Variants in APBA1 observed in about 807,000 individuals in gnomAD.
The protein encoded by APBA1 is amyloid-beta A4 precursor protein-binding family A member 1.
Under a neutral mutation model 86.6 loss-of-function variants are expected in APBA1, and 55 were observed. The ratio of observed to expected loss-of-function variants is 0.64; its 90% confidence interval spans 0.51 to 0.80. The LOEUF (loss-of-function observed/expected upper bound fraction) is 0.80. APBA1 is among the 30% of genes least tolerant of loss of function. The probability of loss-of-function intolerance (pLI) is 0.00; values close to 1 mark genes in which losing one functional copy is unlikely to be tolerated. For synonymous variants in APBA1, 511 were observed against 493.9 expected, an observed-to-expected ratio of 1.03 and a Z score of -0.46; for missense variants, 1,090 against 1,183.0, an observed-to-expected ratio of 0.92 and a Z score of 1.15.
chr9:69,630,075 A>T (rs910383622), intron 1 of APBA1, among the ~76,000 whole-genome samples: 2 of 145,208 alleles, frequency 1.4e-5, no homozygotes, highest in African/African-American at 5.0e-5. Context: ...AAAAAAAAAA[A>T]GCAGGAAAAA....
chr9:69,658,465 C>T (rs749420390), intron 1 of APBA1, among the ~76,000 whole-genome samples: 9 of 151,002 alleles, frequency 6.0e-5, no homozygotes, highest in Non-Finnish European at 7.4e-5. Flanking sequence ...CAGGCTGCCA[C>T]GATCTTGGCT....
chr9:69,524,855 A>T (rs1420757700), intron 1 of APBA1, among the ~76,000 whole-genome samples: 1 of 152,218 alleles, frequency 6.6e-6, no homozygotes, highest in African/African-American at 2.4e-5. Flanking sequence ...AGCAAACTGA[A>T]TCCAACAGCA....
At chr9:69,606,887 G>A (rs545292034) in intron 1 of APBA1, among the ~76,000 whole-genome samples, 90 of 152,208 alleles carry the variant, frequency 5.9e-4, no homozygotes, top group African/African-American at 2.1e-3. Context: ...ATGGCAATAA[G>A]AGGGCAAGAA....
intron 1 of APBA1, among the ~76,000 whole-genome samples, chr9:69,662,963 C>T (rs1006996436): frequency 2.0e-5 from 3 of 152,234 alleles, no homozygotes; most frequent in Non-Finnish European, 2.9e-5. Flanking sequence ...GTGATTACTG[C>T]ATCATTTGTC....
At chr9:69,553,574 A>T (rs1336060923) in intron 1 of APBA1, among the ~76,000 whole-genome samples, 1 of 152,222 alleles carries the variant, frequency 6.6e-6, no homozygotes, top group African/African-American at 2.4e-5. Flanking sequence ...GTTGAGCAGT[A>T]TAGCATGGTA....
chr9:69,449,792 A>G lies in APBA1; in HGVS notation c.1973T>C (p.Phe658Ser). The G allele has an allele frequency of 1.2e-6, 2 of 1,608,844 alleles. No individual in the cohort carries two copies. Among genetic ancestry groups the G allele is most frequent in the Non-Finnish European group, 1.7e-6 (2 of 1,175,740 alleles). ...FSKSENCKDV[F>S]IEKQKGEILG... ...GATTTCTCCTTTCTGCTTCTCTATG[A>G]AAACCTGGAAGGAGAAAAACATTTA... Residue 658 changes from phenylalanine to serine, a missense_variant, in exon 10 of 13, where the codon TTC (phenylalanine) becomes TCC (serine). Physicochemically the swap from Phe to Ser is radical, Grantham distance 155 (BLOSUM62 -2). Around this residue, in one of 6 missense-constraint regions of APBA1, gnomAD observed 97 missense variants for 166.8 expected, o/e 0.58. Coordinates refer to ENST00000265381, the MANE Select transcript of APBA1 (RefSeq NM_001163.4).
At chr9:69,520,881 A>C (rs1836240565) in intron 1 of APBA1, among the ~76,000 whole-genome samples, 1 of 152,006 alleles carries the variant, frequency 6.6e-6, no homozygotes, top group African/African-American at 2.4e-5. Context: ...CTTGACTCTG[A>C]TTTATCAGCC....
intron 1 of APBA1, among the ~76,000 whole-genome samples, chr9:69,644,649 C>T (rs1564101185): frequency 6.6e-6 from 1 of 152,186 alleles, no homozygotes; most frequent in South Asian, 2.1e-4. Context: ...ACCCCAAGAG[C>T]TTAAGCTTCT....
At chr9:69,464,939 G>A (rs1757955) in intron 5 of APBA1, 79,482 of 152,002 alleles carry the variant, frequency 0.52, 22,077 homozygotes, top group African/African-American at 0.71. Context: ...AATGTTTGAA[G>A]CCTTGATGGA....
chr9:69,625,091 G>A (rs1822902444), intron 1 of APBA1, among the ~76,000 whole-genome samples: 1 of 152,040 alleles, frequency 6.6e-6, no homozygotes, highest in African/African-American at 2.4e-5. Context: ...CTGTCTTATA[G>A]GGCTCTGCAC....
At chr9:69,548,386 TC>T (rs1275528232) in intron 1 of APBA1, among the ~76,000 whole-genome samples, 1 of 152,222 alleles carries the variant, frequency 6.6e-6, no homozygotes, top group African/African-American at 2.4e-5. Context: ...CAGCTTCCCA[TC>T]TACAGAACCT....
chr9:69,516,423 C>G lies in APBA1; in HGVS notation c.788G>C (p.Ser263Thr). Residue 263 changes from serine (S) to threonine (T), a missense_variant, in exon 2 of 13, where the codon AGC (serine) becomes ACC (threonine). This residue lies in a region of APBA1 where 678 missense variants were observed against 647.1 expected (regional missense o/e 1.05). Transcript: ENST00000265381. The surrounding 1 kb of genome is among the most constrained non-coding windows in gnomAD (Gnocchi z 7.3). ...AEFAPYPRMD[S>T]YEQEEDIDQI... is the part of the protein sequence containing the mutation. Reference sequence around the variant, plus strand: ...GTCGATGTCCTCCTCCTGCTCGTAGCTGTCCATGCGCGGGTAGGGCGCGAA... The same window carrying G: ...GTCGATGTCCTCCTCCTGCTCGTAGGTGTCCATGCGCGGGTAGGGCGCGAA... 1 of 1,605,042 alleles carries G rather than the reference C, an allele frequency of 6.2e-7. No individual in the cohort carries two copies. The highest frequency in any genetic ancestry group is 8.5e-7 in the Non-Finnish European group (1 of 1,178,724).
At chr9:69,455,935 G>T (rs1835088236) in intron 8 of APBA1, among the ~76,000 whole-genome samples, 1 of 152,260 alleles carries the variant, frequency 6.6e-6, no homozygotes, top group South Asian at 2.1e-4. Flanking sequence ...TGAGGGCTTT[G>T]TTGATCACCC....
intron 2 of APBA1, among the ~76,000 whole-genome samples, chr9:69,492,115 T>C (rs1382765873): frequency 3.3e-5 from 5 of 152,118 alleles, no homozygotes; most frequent in African/African-American, 4.8e-5. Flanking sequence ...AGGTAACTTA[T>C]GTTTCAGGAT....
chr9:69,554,761 A>G (rs1239839792), intron 1 of APBA1, among the ~76,000 whole-genome samples: 1 of 147,134 alleles, frequency 6.8e-6, no homozygotes, highest in Non-Finnish European at 1.5e-5. Context: ...ACACTTTAAA[A>G]ATAGCAAAGA....
intron 1 of APBA1, among the ~76,000 whole-genome samples, chr9:69,640,972 GAA>G (rs1491321532): frequency 8.7e-4 from 115 of 131,628 alleles, no homozygotes; most frequent in African/African-American, 2.9e-3. Context: ...GAGAGAGAGA[GAA>G]AGAAAGAAAG....
Position 69,428,078 on chromosome 9 carries a change from A to G in APBA1, c.*3249T>C, listed in dbSNP as rs1342301885. On this transcript the variant is annotated 3_prime_UTR_variant, in exon 13 of 13. Coordinates refer to ENST00000265381, the MANE Select transcript of APBA1 (RefSeq NM_001163.4). ...CAACAGGTGGCCTGTGAATGCGAGT[A>G]AACACATCTAAGGAGGGGCGGCCCC... 1.3e-5 allele frequency: 2 copies of G among 152,228 alleles called. No homozygotes were observed. The highest frequency in any genetic ancestry group is 2.9e-5 in the Non-Finnish European group (2 of 68,058). The allele number at this position is 152,228 out of a possible 1,614,324, so 9.4% of individuals were successfully genotyped here. A position where few individuals can be genotyped will look rare whatever the true frequency, so the allele number is the denominator to read the frequency against.
intron 1 of APBA1, among the ~76,000 whole-genome samples, chr9:69,540,859 C>T (rs1836597421): frequency 1.3e-5 from 2 of 152,224 alleles, no homozygotes; most frequent in South Asian, 4.1e-4. Flanking sequence ...CCCAACTTGG[C>T]TTCCCAAAGT....
chr9:69,644,293 AT>A (rs1353756583), intron 1 of APBA1, among the ~76,000 whole-genome samples: 1 of 152,188 alleles, frequency 6.6e-6, no homozygotes, highest in African/African-American at 2.4e-5. Context: ...TTAATTTTAC[AT>A]GCCTGTTTTA....
Sources: gnomAD v4.1 joint callset for allele counts (sites outside exome capture counted in the v4.1 genomes callset) on GRCh38, gnomAD v4.1.1 for gene constraint, gnomAD v4.1.1 regional missense constraint, Gnocchi (gnomAD v3.1) non-coding constraint, MANE v1.5 for transcripts, NCBI Gene and HGNC (gene_info 2026-07-23, HGNC 2026-07-21) for gene names.